Variants in BAZ2B observed in about 807,000 individuals in gnomAD.
The protein encoded by BAZ2B is bromodomain adjacent to zinc finger domain protein 2B.
In BAZ2B, 91 loss-of-function variants were observed where a neutral mutation model predicts 246.0. The ratio of observed to expected loss-of-function variants is 0.37; its 90% CI spans 0.31 to 0.44. BAZ2B has a LOEUF of 0.44. BAZ2B is among the 20% of genes least tolerant of loss of function. BAZ2B has a pLI of 1.00. For missense variants in BAZ2B, 2,332 were observed against 2,533.7 expected (o/e 0.92, Z 1.71); for synonymous variants, 855 against 860.0 (o/e 0.99, Z 0.10).
chr2:159,482,159 C>A (rs2079310981), intron 2 of BAZ2B, among the ~76,000 whole-genome samples: 1 of 148,660 alleles, frequency 6.7e-6, no homozygotes, highest in Admixed American at 6.7e-5. Context: ...ACAAAGTCTT[C>A]CATATAGTAA....
intron 27 of BAZ2B, among the ~76,000 whole-genome samples, chr2:159,366,406 T>C (rs982355557): frequency 1.3e-5 from 2 of 152,250 alleles, no homozygotes; most frequent in Admixed American, 1.3e-4. Flanking sequence ...GCCTCCCACC[T>C]GTAAATAACA....
chr2:159,551,330 G>A (rs1054614554), intron 2 of BAZ2B, among the ~76,000 whole-genome samples: 10 of 152,006 alleles, frequency 6.6e-5, no homozygotes, highest in East Asian at 3.9e-4. Flanking sequence ...TTAGCTGGGC[G>A]TGGTGGCGGA....
chr2:159,349,866 C>T lies in BAZ2B; in HGVS notation c.4705G>A (p.Asp1569Asn). Residue 1569 changes from aspartate (D) to asparagine (N), a missense_variant, in exon 28 of 37, where the codon GAT becomes AAT. By Grantham distance (23) the Asp-to-Asn change is conservative. Around this residue, in one of 9 missense-constraint regions of BAZ2B, gnomAD observed 676 missense variants for 668.6 expected, o/e 1.01. Transcript: ENST00000392783. ...TCGGCATGAGTAAGTGAAGTGTCAT[C>T]ACAGGGTGTTCGTGGCAAAAGACTA... ...WFSLLPRTPC[D>N]DTSLTHADMS... 4 of 1,614,184 alleles carry T rather than the reference C, an allele frequency of 2.5e-6. No individual in the cohort carries two copies. The highest frequency in any genetic ancestry group is 3.4e-6 in the Non-Finnish European group (4 of 1,180,026).
At chr2:159,504,783 G>A (rs570579872) in intron 2 of BAZ2B, among the ~76,000 whole-genome samples, 23 of 152,056 alleles carry the variant, frequency 1.5e-4, no homozygotes, top group Non-Finnish European at 2.2e-4. Context: ...AGCTTAAACC[G>A]TAAGATAATT....
At chr2:159,326,215 A>G (rs1404291880) in intron 34 of BAZ2B, among the ~76,000 whole-genome samples, 2 of 152,204 alleles carry the variant, frequency 1.3e-5, no homozygotes. Context: ...AGTCTAGGTC[A>G]CTACTTGAAT....
chr2:159,690,151 A>G, the BAZ2B span: 1 of 474,508 alleles, frequency 2.1e-6, no homozygotes, highest in Non-Finnish European at 3.9e-6. Flanking sequence ...CATCAGATGC[A>G]GTTTTGGTTC....
chr2:159,339,762 T>C (rs761380903), intron 31 of BAZ2B, among the ~76,000 whole-genome samples: 1 of 152,184 alleles, frequency 6.6e-6, no homozygotes, highest in Non-Finnish European at 1.5e-5. Flanking sequence ...ATCCTGTTAT[T>C]TGCAGCAAAA....
At chr2:159,352,009 T>C (rs1490560761) in intron 27 of BAZ2B, among the ~76,000 whole-genome samples, 1 of 152,200 alleles carries the variant, frequency 6.6e-6, no homozygotes, top group Non-Finnish European at 1.5e-5. Flanking sequence ...CATTATTACA[T>C]AAATGGAATA....
chr2:159,710,984 T>C, the BAZ2B span: 1 of 152,256 alleles, frequency 6.6e-6, no homozygotes, highest in Non-Finnish European at 1.5e-5. Context: ...TGCTTACTTG[T>C]TTCAGGAACT....
In BAZ2B at chr2:159,349,815, G is replaced by C. The variant is rs2058365046; in HGVS notation, c.4756C>G (p.Pro1586Ala). ...GACTTAGATGGTGGCTGAGACTGAG[G>C]AGTCACCAAAGAAGCAGTTGACATA... The part of the protein sequence containing the change: ...ADMSTASLVT[P>A]QSQPPSKSPS... The change falls in exon 28 of 37, where the codon CCT becomes GCT. Residue 1586 changes from proline (P) to alanine (A), a missense_variant. This residue lies in a region of BAZ2B where 676 missense variants were observed against 668.6 expected (regional missense o/e 1.01). Transcript: ENST00000392783. 1 of 1,614,170 alleles carries C rather than the reference G, an allele frequency of 6.2e-7. No homozygotes were observed. Among genetic ancestry groups the C allele is most frequent in the Non-Finnish European group, 8.5e-7 (1 of 1,180,018 alleles).
intron 1 of BAZ2B, among the ~76,000 whole-genome samples, chr2:159,588,051 G>A (rs746789697): frequency 4.0e-5 from 6 of 151,728 alleles, no homozygotes; most frequent in African/African-American, 7.3e-5. Context: ...CAAATTGGCC[G>A]AACACGGTGG....
chr2:159,596,396 A>C (rs988761503), intron 1 of BAZ2B, among the ~76,000 whole-genome samples: 1 of 152,242 alleles, frequency 6.6e-6, no homozygotes. Flanking sequence ...GCACGGCCCT[A>C]AAGTTTGTTC....
At chr2:159,388,117 A>C (rs2062852616) in intron 21 of BAZ2B, among the ~76,000 whole-genome samples, 1 of 151,992 alleles carries the variant, frequency 6.6e-6, no homozygotes, top group East Asian at 1.9e-4. Flanking sequence ...CCTAAAACTT[A>C]AAGTATAATA....
chr2:159,511,073 A>G (rs548446925), intron 2 of BAZ2B, among the ~76,000 whole-genome samples: 1 of 152,368 alleles, frequency 6.6e-6, no homozygotes, highest in South Asian at 2.1e-4. Flanking sequence ...AGGACCCAGT[A>G]GCCCTCTATG....
At chr2:159,480,633 A>T (rs771750332) in intron 2 of BAZ2B, among the ~76,000 whole-genome samples, 11 of 152,054 alleles carry the variant, frequency 7.2e-5, no homozygotes, top group Non-Finnish European at 1.3e-4. Flanking sequence ...AAAGTGATAT[A>T]TACAACGTTG....
chr2:159,633,152 C>CT, the BAZ2B span, among the ~76,000 whole-genome samples: 5,924 of 144,906 alleles, frequency 0.041, 151 homozygotes, highest in East Asian at 0.14. Flanking sequence ...CCCAGAAAGT[C>CT]TTTTTTTTTT....
chr2:159,557,208 C>T lies in BAZ2B; in HGVS notation c.-45-1343G>A, dbSNP rs1467556473. Reference sequence around the variant, plus strand: ...GGGACTACAGGTGTGTGTCACTACACCTGGCTAATTAATTTTTTTTTTTTT... The same window carrying T: ...GGGACTACAGGTGTGTGTCACTACATCTGGCTAATTAATTTTTTTTTTTTT... On this transcript the variant is annotated intron_variant, in intron 1 of 36. Coordinates refer to ENST00000392783, the MANE Select transcript of BAZ2B (RefSeq NM_013450.4). Among the ~76,000 whole-genome samples, 4 of 146,096 alleles carry T rather than the reference C, an allele frequency of 2.7e-5. No homozygotes were observed. The South Asian group carries it at 8.7e-4, about 32-fold the overall frequency.
chr2:159,562,790 T>C (rs894891564), intron 1 of BAZ2B, among the ~76,000 whole-genome samples: 2 of 152,182 alleles, frequency 1.3e-5, no homozygotes, highest in Admixed American at 1.3e-4. Context: ...TAGAAATTTT[T>C]AGTTTTTTAT....
the BAZ2B span, among the ~76,000 whole-genome samples, chr2:159,639,993 A>C: frequency 6.6e-6 from 1 of 152,174 alleles, no homozygotes; most frequent in Non-Finnish European, 1.5e-5. Flanking sequence ...ATAGACTGAA[A>C]ATAAAGGGAT....
Sources: gnomAD v4.1 joint callset for allele counts (sites outside exome capture counted in the v4.1 genomes callset) on GRCh38, gnomAD v4.1.1 for gene constraint, gnomAD v4.1.1 regional missense constraint, MANE v1.5 for transcripts, NCBI Gene and HGNC (gene_info 2026-07-23, HGNC 2026-07-21) for gene names.